Variants in CLSTN2 observed in about 807,000 individuals in gnomAD.
The protein encoded by CLSTN2 is calsyntenin-2.
A neutral mutation model predicts 101.2 loss-of-function variants in CLSTN2; 48 were observed. The observed-to-expected ratio is 0.47, with a 90% CI of 0.38 to 0.60. CLSTN2 has a LOEUF of 0.60. Ranked by LOEUF, CLSTN2 falls within the 20% of genes least tolerant of loss-of-function variation. The pLI is 0.00. For missense variants in CLSTN2, 1,160 were observed against 1,238.2 expected (o/e 0.94, Z 0.95); for synonymous variants, 481 against 463.6 (o/e 1.04, Z -0.48).
intron 10 of CLSTN2, among the ~76,000 whole-genome samples, chr3:140,552,556 AAC>A (rs1243834957): frequency 6.6e-6 from 1 of 152,002 alleles, no homozygotes; most frequent in African/African-American, 2.4e-5. Flanking sequence ...CTGGAGATCC[AAC>A]ACACTCTCCT....
At chr3:140,229,132 A>T (rs2086349541) in intron 2 of CLSTN2, among the ~76,000 whole-genome samples, 1 of 152,162 alleles carries the variant, frequency 6.6e-6, no homozygotes, top group African/African-American at 2.4e-5. Context: ...ATCCATGAGC[A>T]TAAGCATGAG....
Position 140,564,120 on chromosome 3 carries a change from T to A in CLSTN2, c.2642T>A (p.Leu881Gln). The A allele has an allele frequency of 1.9e-6, 3 of 1,614,098 alleles. No homozygotes were observed. The highest frequency in any genetic ancestry group is 2.5e-6 in the Non-Finnish European group (3 of 1,179,988). Residue 881 changes from leucine to glutamine, a missense_variant, in exon 16 of 17, where the codon CTG (leucine) becomes CAG (glutamine). Transcript: ENST00000458420. ...GAGATGGACTGGGACGATTCTGCGC[T>A]GACTATCACAGTCAACCCCATGGAG... ...ESEMDWDDSA[L>Q]TITVNPMEKH...
intron 2 of CLSTN2, among the ~76,000 whole-genome samples, chr3:140,297,000 G>A (rs1042441847): frequency 1.3e-5 from 2 of 152,182 alleles, no homozygotes; most frequent in Non-Finnish European, 2.9e-5. Flanking sequence ...ACAGAGGAGT[G>A]CTGAACTTCA....
At chr3:140,563,576 T>C (rs1010998942) in intron 15 of CLSTN2, among the ~76,000 whole-genome samples, 2 of 152,202 alleles carry the variant, frequency 1.3e-5, no homozygotes, top group Admixed American at 6.5e-5. Flanking sequence ...CTTGCCATAT[T>C]GTGTTACCAT....
At chr3:140,040,608 C>T (rs550651288) in intron 1 of CLSTN2, among the ~76,000 whole-genome samples, 7 of 151,804 alleles carry the variant, frequency 4.6e-5, no homozygotes, top group Non-Finnish European at 1.0e-4. Flanking sequence ...GAATTCTGCC[C>T]GGGGTCTGAA....
At chr3:140,437,972 C>A (rs1225137251) in intron 5 of CLSTN2, among the ~76,000 whole-genome samples, 1 of 152,034 alleles carries the variant, frequency 6.6e-6, no homozygotes, top group Non-Finnish European at 1.5e-5. Flanking sequence ...CTTCACTGAC[C>A]CCCTCAGTGG....
chr3:140,407,397 C>T lies in CLSTN2; in HGVS notation c.637+2631C>T, dbSNP rs150091028. ...ATAGAAGACACAATGTGGAGTCAACCTGACCTGTCTTTAACCAGAGACTCA... is the reference window on the plus strand; with the variant it reads ...ATAGAAGACACAATGTGGAGTCAACTTGACCTGTCTTTAACCAGAGACTCA... On this transcript the variant is annotated intron_variant, in intron 4 of 16. Transcript: ENST00000458420. 4.6e-4 allele frequency among the ~76,000 whole-genome samples: 70 copies of T among 152,222 alleles called. 1 individual carries two copies. The East Asian group carries it at 0.013, about 28-fold the overall frequency.
At chr3:140,079,608 G>A (rs996814048) in intron 1 of CLSTN2, among the ~76,000 whole-genome samples, 13 of 151,946 alleles carry the variant, frequency 8.6e-5, no homozygotes, top group Non-Finnish European at 1.3e-4. Flanking sequence ...AAAATTAGCC[G>A]GGCATGGTGG....
At chr3:140,488,638 CTTTTT>C (rs66504085) in intron 8 of CLSTN2, among the ~76,000 whole-genome samples, 1 of 73,710 alleles carries the variant, frequency 1.4e-5, no homozygotes. Flanking sequence ...TTAATACGTG[CTTTTT>C]TTTTTTTTTT....
chr3:140,503,572 G>A (rs1358246952), intron 8 of CLSTN2, among the ~76,000 whole-genome samples: 1 of 151,856 alleles, frequency 6.6e-6, no homozygotes, highest in African/African-American at 2.4e-5. Flanking sequence ...ATGTGTCCTT[G>A]TTGCTAAGCG....
chr3:140,368,979 T>C (rs1395936797), intron 2 of CLSTN2, among the ~76,000 whole-genome samples: 1 of 152,190 alleles, frequency 6.6e-6, no homozygotes, highest in Non-Finnish European at 1.5e-5. Context: ...CTTCCTGCAC[T>C]CTCCTGGTTA....
At chr3:140,444,975 G>A (rs1933041017) in intron 5 of CLSTN2, among the ~76,000 whole-genome samples, 1 of 152,196 alleles carries the variant, frequency 6.6e-6, no homozygotes, top group Admixed American at 6.5e-5. Flanking sequence ...CTTGGAAAAT[G>A]GAAGATGTTT....
intron 2 of CLSTN2, among the ~76,000 whole-genome samples, chr3:140,380,352 G>C (rs139909387): frequency 2.0e-5 from 3 of 152,290 alleles, no homozygotes; most frequent in Non-Finnish European, 2.9e-5. Flanking sequence ...TGGTGCCCTC[G>C]TGTGTGATCT....
At chr3:140,092,914 G>T (rs970370557) in intron 1 of CLSTN2, among the ~76,000 whole-genome samples, 7 of 152,176 alleles carry the variant, frequency 4.6e-5, no homozygotes, top group African/African-American at 1.7e-4. Flanking sequence ...AAGCATGCTG[G>T]CCAGATGGCC....
chr3:140,278,068 C>T (rs770082273), intron 2 of CLSTN2, among the ~76,000 whole-genome samples: 3 of 152,152 alleles, frequency 2.0e-5, no homozygotes, highest in East Asian at 3.9e-4. Context: ...TGAAGTGTCA[C>T]AGGCCCGCAG....
At chr3:140,387,994 T>A (rs547821614) in intron 2 of CLSTN2, among the ~76,000 whole-genome samples, 63 of 152,362 alleles carry the variant, frequency 4.1e-4, no homozygotes, top group African/African-American at 1.5e-3. Flanking sequence ...CCTTGCTGTA[T>A]AATTTGGTGG....
intron 2 of CLSTN2, among the ~76,000 whole-genome samples, chr3:140,225,746 C>T (rs981303181): frequency 4.6e-5 from 7 of 152,090 alleles, no homozygotes; most frequent in African/African-American, 1.2e-4. Context: ...TCTACCACCT[C>T]GGCCTCCCAA....
chr3:140,100,024 C>T (rs1158561140), intron 1 of CLSTN2, among the ~76,000 whole-genome samples: 2 of 152,190 alleles, frequency 1.3e-5, no homozygotes, highest in African/African-American at 4.8e-5. Flanking sequence ...CTTCGTTTTC[C>T]CTCCTCCTGG....
At chr3:140,415,486 C>CAAAAAAAAAAAAAAAAAAAA (rs751616049) in intron 4 of CLSTN2, among the ~76,000 whole-genome samples, 46 of 56,858 alleles carry the variant, frequency 8.1e-4, no homozygotes, top group South Asian at 1.7e-3. Flanking sequence ...CACAAAATAG[C>CAAAAAAAAAAAAAAAAAAAA]AAAAAAAAAA....
Sources: allele counts gnomAD v4.1 joint callset (sites outside exome capture counted in the v4.1 genomes callset), GRCh38; gene constraint gnomAD v4.1.1; transcripts MANE v1.5; gene names NCBI Gene and HGNC (gene_info 2026-07-23, HGNC 2026-07-21).